The following PRKN variants were observed in gnomAD, a reference collection of about 807,000 sequenced individuals.
PRKN encodes the protein parkin RBR E3 ubiquitin protein ligase, also known as E3 ubiquitin-protein ligase parkin.
Under a neutral mutation model 59.5 loss-of-function variants are expected in PRKN, and 56 were observed. The observed-to-expected ratio is 0.94, with a 90% CI of 0.76 to 1.18. PRKN has a LOEUF of 1.18. Among genes scored for constraint, PRKN ranks in the 50% most tolerant of loss-of-function variants. PRKN has a pLI of 0.00. For missense variants in PRKN, 657 were observed against 596.4 expected, an observed-to-expected ratio of 1.10 and a Z score of -1.06; for synonymous variants, 250 against 222.1, an observed-to-expected ratio of 1.13 and a Z score of -1.12.
chr6:161,803,651 G>C (rs1334270468), intron 6 of PRKN, among the ~76,000 whole-genome samples: 1 of 152,208 alleles, frequency 6.6e-6, no homozygotes, highest in Non-Finnish European at 1.5e-5. Context: ...GGGCCAGTGA[G>C]CTGCCCGGTT....
chr6:161,772,545 A>T (rs908183720), intron 7 of PRKN, among the ~76,000 whole-genome samples: 2 of 152,196 alleles, frequency 1.3e-5, no homozygotes, highest in African/African-American at 4.8e-5. Context: ...TGGATACAAC[A>T]CTGACAGATG....
chr6:162,561,148 A>G (rs1779822200), intron 1 of PRKN, among the ~76,000 whole-genome samples: 1 of 152,126 alleles, frequency 6.6e-6, no homozygotes, highest in Non-Finnish European at 1.5e-5. Flanking sequence ...AAGCGCATGG[A>G]GTGATGAAGA....
Position 161,463,734 on chromosome 6 carries a change from T to G in PRKN, c.1084-76857A>C, listed in dbSNP as rs117065584. Among the ~76,000 whole-genome samples the G allele has an allele frequency of 2.8e-4, 43 of 152,324 alleles. No individual in the cohort carries two copies. Among genetic ancestry groups the G allele is most frequent in the South Asian group, 1.0e-3 (5 of 4,822 alleles). ...GCCCCAGCTAAAGCAACATCAGAAC[T>G]GCATACACAGTGGTAAAGATCAAGT... On this transcript the variant is annotated intron_variant, in intron 9 of 11. Coordinates refer to ENST00000366898, the MANE Select transcript of PRKN (RefSeq NM_004562.3). The surrounding 1 kb of genome is among the most constrained non-coding windows in gnomAD (Gnocchi z 4.8).
chr6:162,134,612 T>G (rs1781497641), intron 4 of PRKN, among the ~76,000 whole-genome samples: 1 of 152,140 alleles, frequency 6.6e-6, no homozygotes, highest in African/African-American at 2.4e-5. Flanking sequence ...TTGAAAAATT[T>G]TGGATGATCT....
intron 7 of PRKN, among the ~76,000 whole-genome samples, chr6:161,574,333 C>G (rs755515408): frequency 3.3e-5 from 5 of 152,104 alleles, no homozygotes; most frequent in Admixed American, 6.6e-5. Context: ...AAACATGGGC[C>G]TGGCGAATAA....
chr6:162,677,667 T>C (rs887863896), intron 1 of PRKN, among the ~76,000 whole-genome samples: 2 of 152,152 alleles, frequency 1.3e-5, no homozygotes, highest in East Asian at 1.9e-4. Flanking sequence ...AGTCTGTCGA[T>C]TGCTAGTATG....
chr6:161,918,399 G>T (rs1399657913), intron 6 of PRKN, among the ~76,000 whole-genome samples: 1 of 152,300 alleles, frequency 6.6e-6, no homozygotes, highest in African/African-American at 2.4e-5. Flanking sequence ...TGGAAAAGCT[G>T]CAAGAGAGAT....
chr6:162,209,017 C>T (rs896393621), intron 3 of PRKN, among the ~76,000 whole-genome samples: 1 of 152,112 alleles, frequency 6.6e-6, no homozygotes, highest in African/African-American at 2.4e-5. Context: ...CTAGGCAATG[C>T]CATTCAGGAC....
intron 4 of PRKN, among the ~76,000 whole-genome samples, chr6:162,090,732 C>G (rs1202025004): frequency 2.0e-5 from 3 of 151,658 alleles, no homozygotes; most frequent in Non-Finnish European, 2.9e-5. Context: ...AAATATGAAG[C>G]CAAAAAAGGC....
At chr6:162,563,759 G>T (rs372618889) in intron 1 of PRKN, among the ~76,000 whole-genome samples, 3 of 152,028 alleles carry the variant, frequency 2.0e-5, no homozygotes, top group African/African-American at 7.2e-5. Context: ...AAAACACAAA[G>T]AAAATTCATG....
At chr6:161,765,432 T>C (rs1236329669) in intron 7 of PRKN, among the ~76,000 whole-genome samples, 1 of 152,248 alleles carries the variant, frequency 6.6e-6, no homozygotes, top group African/African-American at 2.4e-5. Flanking sequence ...GAAGGAAGAA[T>C]GGCAAAATTA....
At chr6:161,820,429 ATT>A (rs1231533638) in intron 6 of PRKN, among the ~76,000 whole-genome samples, 5 of 150,232 alleles carry the variant, frequency 3.3e-5, no homozygotes, top group Non-Finnish European at 7.4e-5. Context: ...ATTACAAATA[ATT>A]TTTTAAATAT....
At chr6:161,904,665 T>C (rs1246926682) in intron 6 of PRKN, among the ~76,000 whole-genome samples, 1 of 151,908 alleles carries the variant, frequency 6.6e-6, no homozygotes, top group East Asian at 1.9e-4. Context: ...CCGCAGGGGG[T>C]GGGCCTCTGT....
At chr6:162,568,480 G>A (rs999310376) in intron 1 of PRKN, 78 of 655,604 alleles carry the variant, frequency 1.2e-4, no homozygotes, top group Middle Eastern at 4.0e-4. Flanking sequence ...GGGGCCGGCG[G>A]CATGGGAGGC....
At chr6:161,858,857 A>ATTTTTTTTTTTTTT in intron 6 of PRKN, among the ~76,000 whole-genome samples, 1 of 55,962 alleles carries the variant, frequency 1.8e-5, no homozygotes, top group Non-Finnish European at 4.0e-5. Flanking sequence ...GCACAGCTGT[A>ATTTTTTTTTTTTTT]CTTTTTTTTT....
At chr6:162,323,345 A>G (rs1399201361) in intron 2 of PRKN, among the ~76,000 whole-genome samples, 1 of 152,036 alleles carries the variant, frequency 6.6e-6, no homozygotes, top group East Asian at 1.9e-4. Context: ...CTTTGCTTAG[A>G]CAAGAATTTC....
intron 5 of PRKN, among the ~76,000 whole-genome samples, chr6:162,012,819 G>T (rs1303616770): frequency 6.6e-6 from 1 of 152,086 alleles, no homozygotes; most frequent in Non-Finnish European, 1.5e-5. Flanking sequence ...TTTTTGTGTA[G>T]AATGTTCCTC....
chr6:161,629,638 C>T (rs755661150), intron 7 of PRKN, among the ~76,000 whole-genome samples: 17 of 152,124 alleles, frequency 1.1e-4, no homozygotes, highest in South Asian at 2.1e-4. Context: ...GAACCACGGA[C>T]GCTTTTTTAA....
chr6:161,431,529 T>G (rs916657436), intron 9 of PRKN, among the ~76,000 whole-genome samples: 1 of 152,156 alleles, frequency 6.6e-6, no homozygotes, highest in East Asian at 1.9e-4. Flanking sequence ...ATTTTCCACC[T>G]CTTATTAACA....
Sources: allele counts gnomAD v4.1 joint callset (sites outside exome capture counted in the v4.1 genomes callset), GRCh38; gene constraint gnomAD v4.1.1; non-coding constraint Gnocchi (gnomAD v3.1); transcripts MANE v1.5; gene names NCBI Gene and HGNC (gene_info 2026-07-23, HGNC 2026-07-21).